FBXL7: variants seen among roughly 807,000 people sequenced by gnomAD.
The protein encoded by FBXL7 is F-box and leucine rich repeat protein 7, also known as F-box/LRR-repeat protein 7.
FBXL7 carries 12 observed loss-of-function variants against 38.3 expected under a neutral mutation model. The observed-to-expected ratio is 0.31, with a 90% CI of 0.20 to 0.51. FBXL7 has a LOEUF of 0.51. Ranked by LOEUF, FBXL7 falls within the 20% of genes least tolerant of loss-of-function variation. The probability of loss-of-function intolerance (pLI) is 0.98; values close to 1 mark genes in which losing one functional copy is unlikely to be tolerated. For synonymous variants in FBXL7, 297 were observed against 300.9 expected (o/e 0.99, Z 0.13); for missense variants, 567 against 676.4 (o/e 0.84, Z 1.79).
chr5:15,931,688 T>C (rs1328737706), intron 3 of FBXL7, among the ~76,000 whole-genome samples: 1 of 152,226 alleles, frequency 6.6e-6, no homozygotes, highest in African/African-American at 2.4e-5. Flanking sequence ...ATTTCATCTC[T>C]TTCCTGCATA....
At chr5:15,624,236 C>G (rs537239341) in intron 2 of FBXL7, among the ~76,000 whole-genome samples, 1 of 152,204 alleles carries the variant, frequency 6.6e-6, no homozygotes, top group East Asian at 1.9e-4. Flanking sequence ...AAATTTGGCC[C>G]CCAATATGGC....
intron 2 of FBXL7, among the ~76,000 whole-genome samples, chr5:15,913,363 A>T (rs952138440): frequency 6.6e-6 from 1 of 151,906 alleles, no homozygotes; most frequent in Non-Finnish European, 1.5e-5. Flanking sequence ...GGTGCGCTGC[A>T]CCCACTAACG....
chr5:15,898,449 G>C (rs1264703624), intron 2 of FBXL7, among the ~76,000 whole-genome samples: 1 of 152,194 alleles, frequency 6.6e-6, no homozygotes, highest in African/African-American at 2.4e-5. Flanking sequence ...TTATGTGTGT[G>C]AGAGAGAAAA....
Position 15,715,312 on chromosome 5 carries a change from G to T in FBXL7, c.127+99240G>T, listed in dbSNP as rs991988794. ...TCAAGACCATTCTGGCCAACATGGT[G>T]AAACCCCGTCTCTACCAAAAATACA... On this transcript the variant is annotated intron_variant, in intron 2 of 3. Transcript: ENST00000504595. Among the ~76,000 whole-genome samples the T allele has an allele frequency of 8.5e-5, 13 of 152,050 alleles. No individual in the cohort carries two copies. The South Asian group carries it at 2.7e-3, about 32-fold the overall frequency.
intron 3 of FBXL7, among the ~76,000 whole-genome samples, chr5:15,930,333 G>A (rs1392607408): frequency 2.0e-5 from 3 of 152,130 alleles, no homozygotes; most frequent in Admixed American, 2.0e-4. Context: ...AAATGGCGAA[G>A]GACTGGGTTC....
At chr5:15,624,181 T>C (rs1171505754) in intron 2 of FBXL7, among the ~76,000 whole-genome samples, 1 of 152,196 alleles carries the variant, frequency 6.6e-6, no homozygotes, top group African/African-American at 2.4e-5. Context: ...TCCTTAGTTA[T>C]TGCTATGGTT....
rs868228725 is a variant in FBXL7, at chr5:15,928,880, A to G, written c.739+379A>G. On this transcript the variant is annotated intron_variant, in intron 3 of 3. Transcript: ENST00000504595. The surrounding 1 kb of genome is among the most constrained non-coding windows in gnomAD (Gnocchi z 4.0). ...GGAGTTCTTAGGGGAATTCTGGCAC[A>G]TTTTGCCTGGGAGTTGAGGTTAGTA... Among the ~76,000 whole-genome samples the G allele has an allele frequency of 6.6e-6, 1 of 152,150 alleles. No homozygotes were observed. Among genetic ancestry groups the G allele is most frequent in the African/African-American group, 2.4e-5 (1 of 41,444 alleles).
chr5:15,548,409 G>A (rs1737975815), intron 1 of FBXL7, among the ~76,000 whole-genome samples: 1 of 152,182 alleles, frequency 6.6e-6, no homozygotes, highest in Admixed American at 6.5e-5. Context: ...AGTGATAATA[G>A]TTAACATTCA....
chr5:15,743,975 G>A (rs1320061119), intron 2 of FBXL7, among the ~76,000 whole-genome samples: 1 of 152,144 alleles, frequency 6.6e-6, no homozygotes, highest in Non-Finnish European at 1.5e-5. Context: ...GGGACATAAG[G>A]CACCAAGTCC....
rs1056880092 is a variant in FBXL7 at position 15,744,915 on chromosome 5, C to G, written c.127+128843C>G. Among the ~76,000 whole-genome samples, 3 of 152,042 alleles carry G rather than the reference C, an allele frequency of 2.0e-5. No homozygotes were observed. The South Asian group carries it at 6.2e-4, about 32-fold the overall frequency. ...GCCCCTTATAAAACCATGAGGTCTC[C>G]TGAGAACTCACTCACTATCACGAGA... On this transcript the variant is annotated intron_variant, in intron 2 of 3. Transcript: ENST00000504595.
At chr5:15,891,157 T>G (rs1740887941) in intron 2 of FBXL7, among the ~76,000 whole-genome samples, 1 of 152,222 alleles carries the variant, frequency 6.6e-6, no homozygotes, top group African/African-American at 2.4e-5. Context: ...AACCATTTAA[T>G]TCATCACTTG....
At chr5:15,594,518 C>T (rs1235470083) in intron 1 of FBXL7, among the ~76,000 whole-genome samples, 2 of 152,148 alleles carry the variant, frequency 1.3e-5, no homozygotes, top group Non-Finnish European at 2.9e-5. Flanking sequence ...TCGCCCAGGG[C>T]TAGAAACAGG....
intron 2 of FBXL7, among the ~76,000 whole-genome samples, chr5:15,709,959 G>T (rs1400021705): frequency 6.6e-6 from 1 of 152,094 alleles, no homozygotes; most frequent in African/African-American, 2.4e-5. Context: ...ACCTCCTAAA[G>T]CCTCCACCTA....
chr5:15,706,364 C>T (rs533628309), intron 2 of FBXL7, among the ~76,000 whole-genome samples: 1 of 152,272 alleles, frequency 6.6e-6, no homozygotes, highest in East Asian at 1.9e-4. Flanking sequence ...TTGCTTTCCA[C>T]CGTGATTGTA....
At chr5:15,817,261 G>A (rs1362064167) in intron 2 of FBXL7, among the ~76,000 whole-genome samples, 1 of 152,012 alleles carries the variant, frequency 6.6e-6, no homozygotes, top group Non-Finnish European at 1.5e-5. Flanking sequence ...AAACAATGCA[G>A]TGGAAACCTT....
At chr5:15,804,618 C>T (rs892895260) in intron 2 of FBXL7, among the ~76,000 whole-genome samples, 2 of 152,178 alleles carry the variant, frequency 1.3e-5, no homozygotes, top group East Asian at 1.9e-4. Context: ...AGTACCCATC[C>T]ATGACCTGTT....
At chr5:15,711,031 T>C (rs535433181) in intron 2 of FBXL7, among the ~76,000 whole-genome samples, 1 of 152,274 alleles carries the variant, frequency 6.6e-6, no homozygotes, top group South Asian at 2.1e-4. Flanking sequence ...GATCTGACGG[T>C]TCTAAAAAAA....
intron 2 of FBXL7, among the ~76,000 whole-genome samples, chr5:15,827,188 T>C (rs993811273): frequency 8.5e-5 from 13 of 152,168 alleles, no homozygotes; most frequent in Non-Finnish European, 1.6e-4. Flanking sequence ...ATCTCTATCC[T>C]AACATTCAAT....
intron 2 of FBXL7, among the ~76,000 whole-genome samples, chr5:15,652,180 T>C (rs1580435126): frequency 6.6e-6 from 1 of 152,198 alleles, no homozygotes; most frequent in East Asian, 1.9e-4. Flanking sequence ...TTAAGACCAC[T>C]AAAACTTCTT....
Sources: gnomAD v4.1 joint callset for allele counts (sites outside exome capture counted in the v4.1 genomes callset) on GRCh38, gnomAD v4.1.1 for gene constraint, Gnocchi (gnomAD v3.1) non-coding constraint, MANE v1.5 for transcripts, NCBI Gene and HGNC (gene_info 2026-07-23, HGNC 2026-07-21) for gene names.